The following DCC variants were observed in gnomAD, a reference collection of about 807,000 sequenced individuals.
DCC encodes netrin receptor DCC.
A neutral mutation model predicts 172.5 loss-of-function variants in DCC; 58 were observed. The ratio of observed to expected loss-of-function variants is 0.34; its 90% confidence interval spans 0.27 to 0.42. DCC has a LOEUF of 0.42. DCC is among the 10% of genes least tolerant of loss of function. The pLI is 1.00. For missense variants in DCC, 1,740 were observed against 1,791.0 expected, an observed-to-expected ratio of 0.97 and a Z score of 0.51; for synonymous variants, 709 against 644.5, an observed-to-expected ratio of 1.10 and a Z score of -1.52.
chr18:52,793,931 A>G (rs1359422353), intron 2 of DCC, among the ~76,000 whole-genome samples: 1 of 152,102 alleles, frequency 6.6e-6, no homozygotes, highest in African/African-American at 2.4e-5. Context: ...CTTTTTTAAA[A>G]AATCAGTTGG....
intron 1 of DCC, among the ~76,000 whole-genome samples, chr18:52,415,767 C>T (rs181341590): frequency 3.3e-5 from 5 of 152,176 alleles, no homozygotes; most frequent in Admixed American, 6.5e-5. Flanking sequence ...TCTCTCTTTT[C>T]TTCTTTATTA....
chr18:53,426,474 A>T (rs1286244371), intron 21 of DCC, among the ~76,000 whole-genome samples: 1 of 144,760 alleles, frequency 6.9e-6, no homozygotes, highest in African/African-American at 2.5e-5. Flanking sequence ...TATTATATAT[A>T]TTTTTATATA....
intron 1 of DCC, among the ~76,000 whole-genome samples, chr18:52,435,204 TATA>T (rs757265591): frequency 3.9e-5 from 6 of 152,192 alleles, no homozygotes; most frequent in Non-Finnish European, 7.3e-5. Flanking sequence ...CTTTGCCATT[TATA>T]ATATTTATCC....
intron 21 of DCC, among the ~76,000 whole-genome samples, chr18:53,420,107 G>A (rs1242525698): frequency 1.3e-5 from 2 of 152,030 alleles, no homozygotes; most frequent in African/African-American, 2.4e-5. Context: ...CGCCTGTCTT[G>A]GCCTCTTAAA....
chr18:52,511,147 G>A (rs1431491950), intron 1 of DCC, among the ~76,000 whole-genome samples: 5 of 152,024 alleles, frequency 3.3e-5, no homozygotes, highest in Admixed American at 2.0e-4. Context: ...TGGGCATGGT[G>A]GTGCATGCCT....
chr18:53,039,801 TC>T (rs1373981647), intron 5 of DCC, among the ~76,000 whole-genome samples: 1 of 151,980 alleles, frequency 6.6e-6, no homozygotes, highest in East Asian at 1.9e-4. Flanking sequence ...TTTTCACTTT[TC>T]CTTCATGTTT....
intron 7 of DCC, among the ~76,000 whole-genome samples, chr18:53,068,771 C>CTGTGTG (rs74683814): frequency 0.05 from 7,239 of 143,600 alleles, 401 homozygotes; most frequent in African/African-American, 0.13. Context: ...ACCTTTTAGA[C>CTGTGTG]TGTGTGTGTG....
chr18:53,517,460 T>TAAC (rs936521123), intron 27 of DCC, among the ~76,000 whole-genome samples: 17 of 148,790 alleles, frequency 1.1e-4, no homozygotes, highest in Middle Eastern at 3.5e-3. Context: ...ATAATAATAA[T>TAAC]AATAATAATA....
intron 1 of DCC, among the ~76,000 whole-genome samples, chr18:52,510,393 TC>T (rs542070320): frequency 1.3e-5 from 2 of 152,328 alleles, no homozygotes; most frequent in African/African-American, 2.4e-5. Context: ...AGCCTGCCTG[TC>T]TCCTAGGTAG....
intron 26 of DCC, among the ~76,000 whole-genome samples, chr18:53,497,925 T>C (rs2046045676): frequency 6.6e-6 from 1 of 151,824 alleles, no homozygotes; most frequent in African/African-American, 2.4e-5. Context: ...TTTCCCTTGT[T>C]CAAAGAAATC....
intron 1 of DCC, among the ~76,000 whole-genome samples, chr18:52,399,721 AT>A (rs1986365204): frequency 6.6e-6 from 1 of 151,944 alleles, no homozygotes; most frequent in African/African-American, 2.4e-5. Flanking sequence ...ATCACTCTAT[AT>A]GATGGCATTA....
chr18:52,862,245 A>C (rs1391840231), intron 2 of DCC, among the ~76,000 whole-genome samples: 2 of 152,206 alleles, frequency 1.3e-5, no homozygotes, highest in African/African-American at 4.8e-5. Context: ...ATTCAAGGTC[A>C]AAAAGACAAT....
rs377223776 is a variant in DCC, at chr18:52,417,013, G to A, written c.91+76135G>A. ...CATGATTTTGCAGTGGCTGGTACCGGTTGTTCCTCTCCATATTTAGTGCTT... is the reference window on the plus strand; with the variant it reads ...CATGATTTTGCAGTGGCTGGTACCGATTGTTCCTCTCCATATTTAGTGCTT... On this transcript the variant is annotated intron_variant, in intron 1 of 28. Coordinates refer to ENST00000442544, the MANE Select transcript of DCC (RefSeq NM_005215.4). 2.1e-4 allele frequency among the ~76,000 whole-genome samples: 32 copies of A among 152,274 alleles called. No homozygotes were observed. The East Asian group carries it at 3.1e-3, about 15-fold the overall frequency.
chr18:53,372,592 C>G (rs1031656579), intron 15 of DCC, among the ~76,000 whole-genome samples: 7 of 151,734 alleles, frequency 4.6e-5, no homozygotes, highest in Non-Finnish European at 1.0e-4. Flanking sequence ...TGCACACGTA[C>G]CCATGAACCT....
intron 7 of DCC, among the ~76,000 whole-genome samples, chr18:53,146,853 G>A (rs1273934131): frequency 6.6e-6 from 1 of 152,100 alleles, no homozygotes; most frequent in Non-Finnish European, 1.5e-5. Flanking sequence ...CATGTGCTGT[G>A]TTATAGTTTG....
In DCC at chr18:52,448,870, C is replaced by T. The variant is rs16955022; in HGVS notation, c.91+107992C>T. Among the ~76,000 whole-genome samples, 570 of 152,272 alleles carry T rather than the reference C, an allele frequency of 3.7e-3. 4 individuals carry two copies. The highest frequency in any genetic ancestry group is 0.013 in the African/African-American group (536 of 41,542). The stretch of plus-strand genomic sequence containing the variant: ...TTAAAATGATTTTGGAAAATAGTTT[C>T]GTGGGATGTAAGGTGAAGAAATTAA... On this transcript the variant is annotated intron_variant, in intron 1 of 28. Transcript: ENST00000442544.
At chr18:52,995,768 G>A (rs781510816) in intron 5 of DCC, among the ~76,000 whole-genome samples, 3 of 152,022 alleles carry the variant, frequency 2.0e-5, no homozygotes, top group Non-Finnish European at 4.4e-5. Flanking sequence ...TTCAGTCTCT[G>A]TGGGAGGAGA....
intron 1 of DCC, among the ~76,000 whole-genome samples, chr18:52,531,764 C>A (rs1161366466): frequency 6.6e-6 from 1 of 152,058 alleles, no homozygotes; most frequent in Non-Finnish European, 1.5e-5. Context: ...TTTGTAGTTT[C>A]TTCTGCTTCA....
At chr18:53,142,209 A>G (rs985720244) in intron 7 of DCC, among the ~76,000 whole-genome samples, 3 of 152,230 alleles carry the variant, frequency 2.0e-5, no homozygotes, top group African/African-American at 7.2e-5. Context: ...GTGCCAGGTG[A>G]TACAAAAGCG....
Sources: gnomAD v4.1 joint callset for allele counts (sites outside exome capture counted in the v4.1 genomes callset) on GRCh38, gnomAD v4.1.1 for gene constraint, MANE v1.5 for transcripts, NCBI Gene and HGNC (gene_info 2026-07-23, HGNC 2026-07-21) for gene names.